The following DCAF5 variants were observed in gnomAD, a reference collection of about 807,000 sequenced individuals.
The protein encoded by DCAF5 is DDB1- and CUL4-associated factor 5.
Under a neutral mutation model 80.7 loss-of-function variants are expected in DCAF5, and 9 were observed. That is an observed-to-expected ratio of 0.11 (90% confidence interval 0.07 to 0.19). The LOEUF is 0.19. Ranked by LOEUF, DCAF5 falls within the 10% of genes least tolerant of loss-of-function variation. DCAF5 has a pLI of 1.00. For missense variants in DCAF5, 842 were observed against 1,205.7 expected (o/e 0.70, Z 4.47); for synonymous variants, 433 against 461.9 (o/e 0.94, Z 0.80).
intron 7 of DCAF5, among the ~76,000 whole-genome samples, chr14:69,066,218 T>G (rs1242078806): frequency 6.6e-6 from 1 of 150,464 alleles, no homozygotes; most frequent in Non-Finnish European, 1.5e-5. Flanking sequence ...CCCTGCAACC[T>G]CCTCCTCCTG....
chr14:69,054,427 A>G lies in DCAF5; in HGVS notation c.2259T>C (p.Ala753=). 1 of 1,614,088 alleles carries G rather than the reference A, an allele frequency of 6.2e-7. No homozygotes were observed. The highest frequency in any genetic ancestry group is 8.5e-7 in the Non-Finnish European group (1 of 1,180,042). ...AGGTACCCTCTGGCACCTCTGCCCA[A>G]GCATGGCTGCTGTGCTCATGGCCTG... ...NGPGHEHSSH[A]WAEVPEGTSQ... The change falls in exon 9 of 9, where the codon GCT becomes GCC. Residue 753 remains alanine, a synonymous_variant. Coordinates refer to ENST00000341516, the MANE Select transcript of DCAF5 (RefSeq NM_003861.3).
chr14:69,083,395 A>G (rs2039191431), intron 6 of DCAF5: 1 of 279,788 alleles, frequency 3.6e-6, no homozygotes, highest in Non-Finnish European at 6.9e-6. Context: ...CTGCTTGGAC[A>G]GGATGTCTCA....
At chr14:69,139,756 CAGTG>C (rs923016996) in intron 1 of DCAF5, among the ~76,000 whole-genome samples, 3 of 150,164 alleles carry the variant, frequency 2.0e-5, no homozygotes, top group Non-Finnish European at 4.4e-5. Context: ...GTGGCGACTG[CAGTG>C]AGTGAGATCA....
Position 69,122,316 on chromosome 14 carries a change from T to C in DCAF5, c.259A>G (p.Ile87Val), listed in dbSNP as rs768621760. The C allele has an allele frequency of 3.7e-6, 6 of 1,613,676 alleles. No individual in the cohort carries two copies. The highest frequency in any genetic ancestry group is 5.1e-6 in the Non-Finnish European group (6 of 1,179,756). Residue 87 changes from isoleucine (I) to valine (V), a missense_variant, in exon 2 of 9, where the codon ATC becomes GTC. Physicochemically the swap from Ile to Val is conservative, Grantham distance 29 (BLOSUM62 3). Transcript: ENST00000341516. The part of the protein sequence containing the change: ...RVLLWHMEQA[I>V]HSRVKPIQLK... ...TGTATGGGCTTGACCCTGGAGTGGA[T>C]GGCTTGTTCCATGTGCCATAGCAGA...
At position 69,055,318 on chromosome 14, in the gene DCAF5, G is replaced by T. The variant is rs2037923650; in HGVS notation, c.1368C>A (p.Tyr456Ter). 1 of 1,614,094 alleles carries T rather than the reference G, an allele frequency of 6.2e-7. No individual in the cohort carries two copies. Among genetic ancestry groups the T allele is most frequent in the Non-Finnish European group, 8.5e-7 (1 of 1,180,044 alleles). Residue 456 changes from tyrosine to a stop codon, truncating the protein, a stop_gained, in exon 9 of 9, where the codon TAC (tyrosine) becomes TAA (stop). Coordinates refer to ENST00000341516, the MANE Select transcript of DCAF5 (RefSeq NM_003861.3). LOFTEE classifies it high-confidence loss of function. The surrounding 1 kb of genome is among the most constrained non-coding windows in gnomAD (Gnocchi z 5.6). ...ATGAGGCCGAAGACTCTGAGTCAGT[G>T]TAGCCTGAGCGCTCGCTGACCCCAG... ...LHAGVSERSG[Y>*]TDSESSASLP...
intron 1 of DCAF5, among the ~76,000 whole-genome samples, chr14:69,151,794 T>C (rs1264387212): frequency 1.3e-5 from 2 of 151,858 alleles, no homozygotes; most frequent in African/African-American, 4.8e-5. Flanking sequence ...CCGGGAGCAA[T>C]AGGCTATCGA....
intron 1 of DCAF5, among the ~76,000 whole-genome samples, chr14:69,129,446 G>A (rs1191071865): frequency 6.6e-6 from 1 of 152,180 alleles, no homozygotes; most frequent in African/African-American, 2.4e-5. Context: ...TTTTCACCCA[G>A]CAGAGGGCGC....
intron 1 of DCAF5, among the ~76,000 whole-genome samples, chr14:69,147,151 T>C (rs2041563368): frequency 1.3e-5 from 2 of 152,234 alleles, no homozygotes; most frequent in Non-Finnish European, 2.9e-5. Flanking sequence ...ATTAAGCATA[T>C]AGGTGTAATA....
At chr14:69,129,410 G>A (rs1448986612) in intron 1 of DCAF5, among the ~76,000 whole-genome samples, 2 of 152,186 alleles carry the variant, frequency 1.3e-5, no homozygotes, top group African/African-American at 4.8e-5. Context: ...TACAAATTGA[G>A]GCATAATGTA....
In DCAF5 at chr14:69,055,766, A is replaced by C. The variant is rs1245784387; in HGVS notation, c.1075-155T>G. On this transcript the variant is annotated intron_variant, in intron 8 of 8. Coordinates refer to ENST00000341516, the MANE Select transcript of DCAF5 (RefSeq NM_003861.3). The surrounding 1 kb of genome is among the most constrained non-coding windows in gnomAD (Gnocchi z 5.6). ...AACTTAAAAATAAGTTCTTTACCAG[A>C]CTGGATCATGTGGGTTATGTATGAA... Among the ~76,000 whole-genome samples the C allele has an allele frequency of 6.6e-6, 1 of 152,178 alleles. No homozygotes were observed. Among genetic ancestry groups the C allele is most frequent in the Admixed American group, 6.5e-5 (1 of 15,276 alleles).
intron 8 of DCAF5, among the ~76,000 whole-genome samples, chr14:69,059,219 A>G (rs1914004): frequency 0.4 from 60,886 of 151,882 alleles, 13,429 homozygotes; most frequent in East Asian, 0.91. Flanking sequence ...CGAGTAACTG[A>G]GAGCACAGGC....
chr14:69,130,248 T>C (rs1321130140), intron 1 of DCAF5, among the ~76,000 whole-genome samples: 2 of 152,234 alleles, frequency 1.3e-5, no homozygotes, highest in East Asian at 3.8e-4. Flanking sequence ...CTGGAACTTA[T>C]CATTGTTTGA....
At chr14:69,139,651 T>C (rs1487262826) in intron 1 of DCAF5, among the ~76,000 whole-genome samples, 1 of 151,660 alleles carries the variant, frequency 6.6e-6, no homozygotes, top group Admixed American at 6.6e-5. Flanking sequence ...CCGTCTCTAC[T>C]AAAAACACGA....
intron 7 of DCAF5, among the ~76,000 whole-genome samples, chr14:69,062,913 C>T (rs1023946323): frequency 6.6e-6 from 1 of 152,136 alleles, no homozygotes. Context: ...ACACGCAGAA[C>T]CAGAAGCATA....
At chr14:69,102,643 G>A (rs2040002703) in intron 5 of DCAF5, among the ~76,000 whole-genome samples, 1 of 113,302 alleles carries the variant, frequency 8.8e-6, no homozygotes. Context: ...CCTACACAGG[G>A]TCAGGCTCAT....
At chr14:69,067,894 C>G (rs2038524724) in intron 7 of DCAF5, among the ~76,000 whole-genome samples, 1 of 152,066 alleles carries the variant, frequency 6.6e-6, no homozygotes, top group African/African-American at 2.4e-5. Context: ...CTTGGCCTCC[C>G]AAAGTGCTGG....
At chr14:69,080,587 C>CT (rs2039065349) in intron 6 of DCAF5, among the ~76,000 whole-genome samples, 2 of 152,106 alleles carry the variant, frequency 1.3e-5, no homozygotes, top group South Asian at 4.1e-4. Context: ...CAAATAGTAC[C>CT]TGCTCATTCT....
chr14:69,114,825 A>G (rs997419760), intron 5 of DCAF5, among the ~76,000 whole-genome samples: 3 of 152,184 alleles, frequency 2.0e-5, no homozygotes, highest in Non-Finnish European at 4.4e-5. Flanking sequence ...GGGAGGGCCC[A>G]TATAATGCAC....
At chr14:69,066,352 G>T (rs2038441852) in intron 7 of DCAF5, among the ~76,000 whole-genome samples, 1 of 152,004 alleles carries the variant, frequency 6.6e-6, no homozygotes, top group Admixed American at 6.6e-5. Flanking sequence ...GGTTAGGCTG[G>T]TCTCCAACTC....
Sources: gnomAD v4.1 joint callset for allele counts (sites outside exome capture counted in the v4.1 genomes callset) on GRCh38, gnomAD v4.1.1 for gene constraint, Gnocchi (gnomAD v3.1) non-coding constraint, MANE v1.5 for transcripts, NCBI Gene and HGNC (gene_info 2026-07-23, HGNC 2026-07-21) for gene names.